The following STARD13 variants were observed in gnomAD, a reference collection of about 807,000 sequenced individuals.
STARD13 encodes StAR related lipid transfer domain containing 13.
A neutral mutation model predicts 106.4 loss-of-function variants in STARD13; 62 were observed. The ratio of observed to expected loss-of-function variants is 0.58; its 90% CI spans 0.48 to 0.72. The LOEUF (loss-of-function observed/expected upper bound fraction) is 0.72, where lower values mean the gene tolerates loss of function less well. STARD13 is among the 30% of genes least tolerant of loss of function. The probability of loss-of-function intolerance (pLI) is 0.00; values close to 1 mark genes in which losing one functional copy is unlikely to be tolerated. For synonymous variants in STARD13, 565 were observed against 553.0 expected (o/e 1.02, Z -0.31); for missense variants, 1,387 against 1,424.0 (o/e 0.97, Z 0.42).
intron 1 of STARD13, among the ~76,000 whole-genome samples, chr13:33,340,215 C>T (rs1033741329): frequency 1.4e-4 from 21 of 152,196 alleles, no homozygotes; most frequent in African/African-American, 4.8e-4. Context: ...AAAAACACTT[C>T]TTTTTTGAGA....
chr13:33,630,372 A>C, the STARD13 span, among the ~76,000 whole-genome samples: 1 of 152,060 alleles, frequency 6.6e-6, no homozygotes. Context: ...CTACCTCTTC[A>C]CCACTTTCCT....
chr13:33,281,043 C>T (rs377561636), intron 1 of STARD13: 27 of 152,142 alleles, frequency 1.8e-4, no homozygotes, highest in Non-Finnish European at 2.9e-4. Context: ...TAGTATGTTA[C>T]GTTTATGTTC....
chr13:33,614,549 T>C, the STARD13 span, among the ~76,000 whole-genome samples: 1 of 152,190 alleles, frequency 6.6e-6, no homozygotes, highest in African/African-American at 2.4e-5. Context: ...AAGGAGCTTC[T>C]GTATTAGTGG....
At chr13:33,656,048 CAA>C in the STARD13 span, among the ~76,000 whole-genome samples, 198 of 152,338 alleles carry the variant, frequency 1.3e-3, no homozygotes, top group Non-Finnish European at 2.4e-3. Context: ...CTTAAGTGGG[CAA>C]CTTCTCTCCT....
At chr13:33,136,926 A>AGCCACAG in intron 4 of STARD13, among the ~76,000 whole-genome samples, 1 of 152,230 alleles carries the variant, frequency 6.6e-6, no homozygotes, top group South Asian at 2.1e-4. Flanking sequence ...TCAGCCAGGG[A>AGCCACAG]GCCACAGGCC....
chr13:33,609,105 A>AAAAAAAAAAAAAAAAAAG, the STARD13 span, among the ~76,000 whole-genome samples: 273 of 133,110 alleles, frequency 2.1e-3, 15 homozygotes, highest in African/African-American at 7.3e-3. Context: ...AAAAAAAAAA[A>AAAAAAAAAAAAAAAAAAG]AAATATTGAT....
intron 1 of STARD13, among the ~76,000 whole-genome samples, chr13:33,246,415 T>C (rs932419696): frequency 2.0e-5 from 3 of 152,240 alleles, no homozygotes; most frequent in African/African-American, 7.2e-5. Flanking sequence ...GCTGTATCTT[T>C]GTCTAAGTCT....
At chr13:33,295,811 T>G (rs181486069) in intron 1 of STARD13, among the ~76,000 whole-genome samples, 1 of 152,190 alleles carries the variant, frequency 6.6e-6, no homozygotes, top group East Asian at 1.9e-4. Flanking sequence ...GCGAGAAGGC[T>G]AGGAAGACTA....
intron 4 of STARD13, among the ~76,000 whole-genome samples, chr13:33,137,366 T>C (rs1266744566): frequency 6.6e-6 from 1 of 152,232 alleles, no homozygotes; most frequent in African/African-American, 2.4e-5. Context: ...GCTCTGCCAT[T>C]GTTGTGAAAT....
At chr13:33,345,921 G>A (rs1054178848), downstream of STARD13, among the ~76,000 whole-genome samples, 72 of 152,168 alleles carry the variant, frequency 4.7e-4, no homozygotes, top group Non-Finnish European at 4.4e-5. Context: ...CATGTGCTAA[G>A]GACAATCTTA....
At chr13:33,534,239 C>G in the STARD13 span, among the ~76,000 whole-genome samples, 1 of 152,154 alleles carries the variant, frequency 6.6e-6, no homozygotes, top group Non-Finnish European at 1.5e-5. Flanking sequence ...CCATAAAATA[C>G]TAGGCCTTTA....
the STARD13 span, among the ~76,000 whole-genome samples, chr13:33,451,944 A>G: frequency 6.6e-6 from 1 of 152,336 alleles, no homozygotes; most frequent in Non-Finnish European, 1.5e-5. Flanking sequence ...GAGCCAGAAG[A>G]CAGAAATTAG....
the STARD13 span, among the ~76,000 whole-genome samples, chr13:33,514,842 G>A: frequency 6.6e-6 from 1 of 152,068 alleles, no homozygotes; most frequent in African/African-American, 2.4e-5. Context: ...AGACATACGT[G>A]GACCTCTCCC....
chr13:33,506,829 G>A, the STARD13 span, among the ~76,000 whole-genome samples: 1 of 152,142 alleles, frequency 6.6e-6, no homozygotes, highest in Non-Finnish European at 1.5e-5. Context: ...AATACTTCTT[G>A]CCCAGGGATT....
chr13:33,362,397 A>G, the STARD13 span, among the ~76,000 whole-genome samples: 4 of 152,158 alleles, frequency 2.6e-5, no homozygotes, highest in African/African-American at 9.7e-5. Context: ...CACCTCCAAC[A>G]CTGGGAATCA....
chr13:33,117,774 AT>A, intron 8 of STARD13: 1 of 961,828 alleles, frequency 1.0e-6, no homozygotes, highest in East Asian at 1.1e-4. Context: ...TCCCTTTTTC[AT>A]TTTAAATTTT....
chr13:33,381,945 G>A, the STARD13 span, among the ~76,000 whole-genome samples: 2 of 152,142 alleles, frequency 1.3e-5, no homozygotes, highest in South Asian at 2.1e-4. Context: ...CCCCCTCTAG[G>A]GCTTGTCCTT....
At chr13:33,662,562 C>T in the STARD13 span, among the ~76,000 whole-genome samples, 1 of 152,266 alleles carries the variant, frequency 6.6e-6, no homozygotes, top group South Asian at 2.1e-4. Flanking sequence ...CAAATCAAAC[C>T]CTGCACTTTA....
chr13:33,567,217 C>T, the STARD13 span, among the ~76,000 whole-genome samples: 1 of 148,496 alleles, frequency 6.7e-6, no homozygotes, highest in African/African-American at 2.5e-5. Flanking sequence ...AAATTCATAA[C>T]AAATATTCTG....
Sources: allele counts gnomAD v4.1 joint callset (sites outside exome capture counted in the v4.1 genomes callset), GRCh38; gene constraint gnomAD v4.1.1; transcripts MANE v1.5; gene names NCBI Gene and HGNC (gene_info 2026-07-23, HGNC 2026-07-21).